Variants in FAM50B observed in about 807,000 individuals in gnomAD.
The protein encoded by FAM50B is family with sequence similarity 50 member B.
A neutral mutation model predicts 25.4 loss-of-function variants in FAM50B; 9 were observed. The observed-to-expected ratio is 0.35, with a 90% CI of 0.21 to 0.62. The LOEUF (loss-of-function observed/expected upper bound fraction) is 0.62. Among genes scored for constraint, FAM50B ranks in the 20% least tolerant of loss-of-function variants. The pLI, the probability that FAM50B is intolerant of heterozygous loss-of-function variation, is 0.73. For missense variants in FAM50B, 372 were observed against 477.9 expected, an observed-to-expected ratio of 0.78 and a Z score of 2.07; for synonymous variants, 212 against 204.3, an observed-to-expected ratio of 1.04 and a Z score of -0.32.
At position 3,850,820 on chromosome 6, in the gene FAM50B, G is replaced by A. The variant is rs574756557; in HGVS notation, c.*31G>A. The A allele has an allele frequency of 1.9e-6, 3 of 1,604,262 alleles. No individual in the cohort carries two copies. Among genetic ancestry groups the A allele is most frequent in the East Asian group, 2.2e-5 (1 of 44,736 alleles). On this transcript the variant is annotated 3_prime_UTR_variant, in exon 2 of 2. Coordinates refer to ENST00000648326, the MANE Select transcript of FAM50B (RefSeq NM_012135.3). ...GCCTGCCAGAGCGGAAACCGGGGGT[G>A]GGGGGAGACACTCATTTCTAGGCCC...
the FAM50B span, among the ~76,000 whole-genome samples, chr6:3,839,619 T>A: frequency 6.6e-6 from 1 of 152,210 alleles, no homozygotes; most frequent in Non-Finnish European, 1.5e-5. Flanking sequence ...CCAAAAACAT[T>A]GCTATTTTTG....
upstream of FAM50B, among the ~76,000 whole-genome samples, chr6:3,847,301 A>C (rs1416088925): frequency 6.6e-6 from 1 of 152,244 alleles, no homozygotes; most frequent in Non-Finnish European, 1.5e-5. Flanking sequence ...TTGAAAATGT[A>C]TTGTTTAGGG....
chr6:3,843,623 T>C, the FAM50B span, among the ~76,000 whole-genome samples: 2 of 152,236 alleles, frequency 1.3e-5, no homozygotes, highest in Non-Finnish European at 2.9e-5. Context: ...TTTTCCCTTC[T>C]AGTATATTTT....
the FAM50B span, among the ~76,000 whole-genome samples, chr6:3,836,866 G>A: frequency 1.3e-5 from 2 of 152,178 alleles, no homozygotes; most frequent in African/African-American, 4.8e-5. Flanking sequence ...ACAGAGGGAG[G>A]CAGGCTACAG....
upstream of FAM50B, among the ~76,000 whole-genome samples, chr6:3,847,992 T>C (rs2113027528): frequency 6.6e-6 from 1 of 152,350 alleles, no homozygotes; most frequent in South Asian, 2.1e-4. Context: ...AACGTCTTTG[T>C]CTTCTACTGC....
the FAM50B span, chr6:3,831,938 C>T: frequency 3.9e-5 from 6 of 152,196 alleles, no homozygotes; most frequent in African/African-American, 1.4e-4. Flanking sequence ...TTTTGCATAT[C>T]ATCCCTGCCC....
At chr6:3,847,936 A>G (rs1363234115), upstream of FAM50B, among the ~76,000 whole-genome samples, 1 of 152,278 alleles carries the variant, frequency 6.6e-6, no homozygotes, top group Non-Finnish European at 1.5e-5. Context: ...ACAGCCAGTC[A>G]GTGGAGCAGT....
At chr6:3,839,818 A>T in the FAM50B span, among the ~76,000 whole-genome samples, 3 of 152,136 alleles carry the variant, frequency 2.0e-5, no homozygotes, top group Admixed American at 1.3e-4. Flanking sequence ...AGGAAGTCAT[A>T]GGCCAAGAGT....
chr6:3,843,606 T>C, the FAM50B span, among the ~76,000 whole-genome samples: 1 of 152,214 alleles, frequency 6.6e-6, no homozygotes, highest in Admixed American at 6.5e-5. Flanking sequence ...AGGTTTCTTG[T>C]TCAAGCTTTT....
Position 3,850,398 on chromosome 6 carries a change from GC to G in FAM50B, c.589del (p.His197ThrfsTer17), listed in dbSNP as rs1762198358. 1 of 1,613,326 alleles carries G rather than the reference GC, an allele frequency of 6.2e-7. No homozygotes were observed. Among genetic ancestry groups the G allele is most frequent in the African/African-American group, 1.3e-5 (1 of 75,064 alleles). The part of the protein sequence containing the change: ...EVTFSYWDGS[G>X]HRRTVRVRKG... ...ACCTTCAGCTACTGGGACGGCTCGG[GC>G]CACCGGCGCACGGTGCGGGTGCGCA... On this transcript the variant is annotated frameshift_variant, in exon 2 of 2. Coordinates refer to ENST00000648326, the MANE Select transcript of FAM50B (RefSeq NM_012135.3). LOFTEE classifies it high-confidence loss of function.
intron 1 of FAM50B, 134 bp from the exon 2 acceptor site, chr6:3,849,655 T>C: frequency 3.0e-6 from 4 of 1,318,632 alleles, no homozygotes; most frequent in Non-Finnish European, 4.0e-6. Context: ...GGTTGGTGGT[T>C]ACCCTAGCAG....
chr6:3,838,655 A>G, the FAM50B span, among the ~76,000 whole-genome samples: 3 of 152,130 alleles, frequency 2.0e-5, no homozygotes, highest in African/African-American at 7.2e-5. Context: ...CATCCTGGTC[A>G]ATATGGTGAA....
rs759518645 is a variant in FAM50B, at chr6:3,849,410, G to C, written c.-100G>C. Reference sequence around the variant, plus strand: ...CACGGCTGTCGCGAGAGCCCGGGGCGAGTGGGCCTCTGCTCGTGGGTGGTT... The same window carrying C: ...CACGGCTGTCGCGAGAGCCCGGGGCCAGTGGGCCTCTGCTCGTGGGTGGTT... On this transcript the variant is annotated 5_prime_UTR_variant, in exon 1 of 2. Transcript: ENST00000648326. 5.7e-6 allele frequency: 1 copy of C among 174,202 alleles called. No individual in the cohort carries two copies. The highest frequency in any genetic ancestry group is 1.2e-5 in the Non-Finnish European group (1 of 82,414). 10.8% of individuals were successfully genotyped at this position (174,202 alleles called of 1,614,324 possible). A position where few individuals can be genotyped will look rare whatever the true frequency, so the allele number is the denominator to read the frequency against.
the FAM50B span, among the ~76,000 whole-genome samples, chr6:3,834,212 CTGAG>C: frequency 6.6e-6 from 1 of 151,734 alleles, no homozygotes; most frequent in African/African-American, 2.4e-5. Flanking sequence ...GTGTGTGACA[CTGAG>C]TGAGAATATG....
chr6:3,850,261 C>T lies in FAM50B; in HGVS notation c.450C>T (p.Thr150=). The T allele has an allele frequency of 1.2e-6, 2 of 1,613,176 alleles. No homozygotes were observed. Among genetic ancestry groups the T allele is most frequent in the African/African-American group, 1.3e-5 (1 of 75,058 alleles). ...GNLGKNPDVD[T]SFLPDRDREE... is the part of the protein sequence containing the mutation. The stretch of plus-strand genomic sequence containing the variant: ...TGGGCAAGAACCCCGACGTGGACAC[C>T]AGCTTCCTGCCAGACCGCGACCGCG... The change falls in exon 2 of 2, where the codon ACC becomes ACT. Residue 150 remains threonine (T), a synonymous_variant. Transcript: ENST00000648326.
the FAM50B span, among the ~76,000 whole-genome samples, chr6:3,839,968 TTTG>T: frequency 1.9e-3 from 280 of 150,980 alleles, 1 homozygote; most frequent in East Asian, 0.013. Flanking sequence ...AAACCCTGTC[TTTG>T]TTGTTGTTGT....
At chr6:3,845,054 G>A (rs1237181194), upstream of FAM50B, among the ~76,000 whole-genome samples, 4 of 152,054 alleles carry the variant, frequency 2.6e-5, no homozygotes, top group Non-Finnish European at 5.9e-5. Context: ...CACCATTTGC[G>A]TGGGCTCGGG....
At chr6:3,840,430 G>A in the FAM50B span, among the ~76,000 whole-genome samples, 1 of 151,296 alleles carries the variant, frequency 6.6e-6, no homozygotes. Flanking sequence ...CCGAGATCAC[G>A]CCACTGCACT....
chr6:3,846,549 T>C (rs1417692340), upstream of FAM50B, among the ~76,000 whole-genome samples: 1 of 152,240 alleles, frequency 6.6e-6, no homozygotes, highest in South Asian at 2.1e-4. Flanking sequence ...TGTGGCAGTT[T>C]CTTAAATCAA....
Sources: allele counts gnomAD v4.1 joint callset (sites outside exome capture counted in the v4.1 genomes callset), GRCh38; gene constraint gnomAD v4.1.1; transcripts MANE v1.5; gene names NCBI Gene and HGNC (gene_info 2026-07-23, HGNC 2026-07-21).